FBXL13: variants seen among roughly 807,000 people sequenced by gnomAD.
FBXL13 encodes F-box and leucine-rich repeat protein 13.
Under a neutral mutation model 83.6 loss-of-function variants are expected in FBXL13, and 67 were observed. The observed-to-expected ratio is 0.80, with a 90% CI of 0.66 to 0.98. The LOEUF (loss-of-function observed/expected upper bound fraction) is 0.98, where lower values mean the gene tolerates loss of function less well. Ranked by LOEUF, FBXL13 falls within the 50% of genes least tolerant of loss-of-function variation. The pLI is 0.00. For synonymous variants in FBXL13, 272 were observed against 299.5 expected, an observed-to-expected ratio of 0.91 and a Z score of 0.95; for missense variants, 822 against 866.5, an observed-to-expected ratio of 0.95 and a Z score of 0.64.
intron 6 of FBXL13, among the ~76,000 whole-genome samples, chr7:103,020,997 G>A (rs1793094197): frequency 6.6e-6 from 1 of 152,096 alleles, no homozygotes; most frequent in Non-Finnish European, 1.5e-5. Flanking sequence ...AAGTTCGTAT[G>A]GAACCAAAAA....
intron 2 of FBXL13, among the ~76,000 whole-genome samples, chr7:103,037,318 C>T (rs910380103): frequency 5.9e-5 from 9 of 152,152 alleles, no homozygotes; most frequent in Non-Finnish European, 1.2e-4. Flanking sequence ...TTATTTGGGG[C>T]ACAGGCATTG....
At chr7:102,842,248 C>T (rs1803077104) in intron 17 of FBXL13, among the ~76,000 whole-genome samples, 1 of 152,156 alleles carries the variant, frequency 6.6e-6, no homozygotes, top group Admixed American at 6.5e-5. Context: ...CTGTTGCGAA[C>T]CATAAACACA....
chr7:102,932,092 GC>G (rs1819289811), intron 8 of FBXL13, among the ~76,000 whole-genome samples, 159 bp from the exon 10 acceptor site: 1 of 152,110 alleles, frequency 6.6e-6, no homozygotes, highest in East Asian at 1.9e-4. Context: ...CAGAAAAATG[GC>G]TTTTTTGGGC....
At chr7:102,813,253 T>C in exon 20 of FBXL13, 3 of 1,193,060 alleles carry the variant, frequency 2.5e-6, no homozygotes, top group Non-Finnish European at 3.6e-6. Flanking sequence ...TACATTGTTA[T>C]TGAGATTCAG....
intron 2 of FBXL13, among the ~76,000 whole-genome samples, chr7:103,052,541 C>T (rs1017022175): frequency 5.3e-5 from 8 of 152,108 alleles, no homozygotes; most frequent in African/African-American, 1.9e-4. Context: ...CCCTAGGACA[C>T]TTGGAGATTC....
At chr7:102,963,662 C>T in exon 8 of FBXL13, 4 of 1,593,358 alleles carry the variant, frequency 2.5e-6, no homozygotes, top group Non-Finnish European at 3.4e-6. Flanking sequence ...GAGGAAAAAT[C>T]AATCTAAAAA....
chr7:103,026,565 C>T (rs551932828), intron 5 of FBXL13, among the ~76,000 whole-genome samples: 27 of 152,334 alleles, frequency 1.8e-4, no homozygotes, highest in South Asian at 1.2e-3. Flanking sequence ...CCTGCAAGAC[C>T]ACCAGCTCAA....
At chr7:102,986,024 C>CT (rs953668573) in intron 6 of FBXL13, among the ~76,000 whole-genome samples, 1 of 151,880 alleles carries the variant, frequency 6.6e-6, no homozygotes, top group African/African-American at 2.4e-5. Flanking sequence ...GATGCCCCCC[C>CT]CCCATCAATA....
intron 8 of FBXL13, 22 bp from the exon 10 acceptor site, chr7:102,931,955 T>C (rs767363321): frequency 1.9e-6 from 3 of 1,609,570 alleles, no homozygotes; most frequent in South Asian, 2.2e-5. Context: ...AAGTTACACG[T>C]CACTAAACTA....
exon 1 of FBXL13, chr7:103,074,561 C>T: frequency 8.2e-7 from 1 of 1,222,178 alleles, no homozygotes; most frequent in Non-Finnish European, 1.1e-6. Flanking sequence ...TTCACTTTCT[C>T]GCATTCTGCC....
chr7:102,967,364 C>T (rs1037333502), intron 7 of FBXL13, among the ~76,000 whole-genome samples: 2 of 152,018 alleles, frequency 1.3e-5, no homozygotes, highest in African/African-American at 4.8e-5. Flanking sequence ...CCTCCACCTC[C>T]CAGGCTCAAG....
chr7:102,843,232 T>C (rs1264613979), intron 17 of FBXL13, among the ~76,000 whole-genome samples: 2 of 152,042 alleles, frequency 1.3e-5, no homozygotes, highest in Non-Finnish European at 2.9e-5. Context: ...TCACCTGAGG[T>C]CAGGAGTTCA....
intron 1 of FBXL13, among the ~76,000 whole-genome samples, chr7:103,062,025 C>CAAAAAAAAAAAAAAAAA (rs59881447): frequency 1.0e-5 from 1 of 99,800 alleles, no homozygotes; most frequent in Non-Finnish European, 1.9e-5. Context: ...TCATAATTAC[C>CAAAAAAAAAAAAAAAAA]AAAAAAAAAA....
chr7:102,964,379 C>A (rs1825740042), intron 7 of FBXL13, among the ~76,000 whole-genome samples: 3 of 147,548 alleles, frequency 2.0e-5, no homozygotes, highest in Admixed American at 6.8e-5. Context: ...TAACTCCACA[C>A]AATTTTGTGA....
intron 16 of FBXL13, among the ~76,000 whole-genome samples, chr7:102,869,250 T>A (rs1808188397): frequency 6.6e-6 from 1 of 152,244 alleles, no homozygotes; most frequent in Admixed American, 6.5e-5. Flanking sequence ...TATTTCTTCA[T>A]GTACTTGTTG....
At chr7:102,969,426 C>T (rs900690767) in intron 6 of FBXL13, among the ~76,000 whole-genome samples, 1 of 151,798 alleles carries the variant, frequency 6.6e-6, no homozygotes, top group Non-Finnish European at 1.5e-5. Flanking sequence ...CCTAATGACA[C>T]ACTTCTCAAA....
Position 102,976,127 on chromosome 7 carries a change from G to A in FBXL13, c.496-8010C>T, listed in dbSNP as rs761506902. 4.3e-5 allele frequency: 33 copies of A among 766,422 alleles called. 2 individuals are homozygous for A. The highest frequency in any genetic ancestry group is 2.1e-4 in the South Asian group (16 of 74,626). 47.5% of individuals were successfully genotyped at this position (766,422 alleles called of 1,614,324 possible). ...CTGAGCCAATCAAACCCTCCTACTC[G>A]GATCTCGTCAGCCTTGCCGCTGAAG... On this transcript the variant is annotated intron_variant, in intron 6 of 19. Transcript: ENST00000313221.
At chr7:102,874,756 G>A (rs755478493) in intron 16 of FBXL13, among the ~76,000 whole-genome samples, 1 of 152,054 alleles carries the variant, frequency 6.6e-6, no homozygotes, top group Non-Finnish European at 1.5e-5. Flanking sequence ...TTGTAGAGAT[G>A]GGGTTTCATC....
chr7:102,830,190 TA>T (rs929410094), intron 18 of FBXL13, among the ~76,000 whole-genome samples: 1 of 152,156 alleles, frequency 6.6e-6, no homozygotes, highest in Non-Finnish European at 1.5e-5. Flanking sequence ...TCAGCCTTCA[TA>T]ACAAAAAACA....
Sources: allele counts gnomAD v4.1 joint callset (sites outside exome capture counted in the v4.1 genomes callset), GRCh38; gene constraint gnomAD v4.1.1; transcripts MANE v1.5; gene names NCBI Gene and HGNC (gene_info 2026-07-23, HGNC 2026-07-21).